The following NWD2 variants were observed in gnomAD, a reference collection of about 807,000 sequenced individuals.
The protein encoded by NWD2 is NACHT and WD repeat domain containing 2.
A neutral mutation model predicts 132.7 loss-of-function variants in NWD2; 37 were observed. That is an observed-to-expected ratio of 0.28 (90% CI 0.21 to 0.37). The LOEUF is 0.37. NWD2 is among the 10% of genes least tolerant of loss of function. The pLI is 1.00. For synonymous variants in NWD2, 705 were observed against 803.0 expected (o/e 0.88, Z 2.06); for missense variants, 1,592 against 2,122.4 (o/e 0.75, Z 4.91).
chr4:37,381,907 T>C (rs1688968211), intron 3 of NWD2, among the ~76,000 whole-genome samples: 1 of 152,228 alleles, frequency 6.6e-6, no homozygotes, highest in South Asian at 2.1e-4. Flanking sequence ...GAAGAGAAAA[T>C]TCTCTTGCTT....
At chr4:37,371,318 T>TGCCCTCCTTG (rs1406668609) in intron 3 of NWD2, among the ~76,000 whole-genome samples, 4 of 152,008 alleles carry the variant, frequency 2.6e-5, no homozygotes, top group African/African-American at 9.7e-5. Flanking sequence ...TCAGGTGATC[T>TGCCCTCCTTG]GCCCTCCTTG....
Position 37,439,019 on chromosome 4 carries a change from A to G in NWD2, c.925A>G (p.Ile309Val). 6.4e-7 allele frequency: 1 copy of G among 1,551,796 alleles called. No individual in the cohort carries two copies. The highest frequency in any genetic ancestry group is 8.7e-7 in the Non-Finnish European group (1 of 1,146,978). ...IKLRDEFIPT[I>V]VASSNLRVYT... ...ACTCAGGGATGAATTTATTCCTACT[A>G]TTGTTGCATCATCTAATCTGAGAGT... Residue 309 changes from isoleucine to valine, a missense_variant, in exon 6 of 7, where the codon ATT becomes GTT. Physicochemically the swap from Ile to Val is conservative, Grantham distance 29. This residue lies in a region of NWD2 where 1,071 missense variants were observed against 1,398.0 expected (regional missense o/e 0.77). Transcript: ENST00000309447. This position sits in a 1 kb window ranked among gnomAD's most constrained non-coding sequence, Gnocchi z 4.5.
At chr4:37,275,364 T>C in intron 1 of NWD2, among the ~76,000 whole-genome samples, 1 of 152,054 alleles carries the variant, frequency 6.6e-6, no homozygotes, top group Non-Finnish European at 1.5e-5. Context: ...GAATCCAACT[T>C]ACAAGGGATG....
intron 2 of NWD2, among the ~76,000 whole-genome samples, chr4:37,343,467 G>A (rs770928346): frequency 1.3e-5 from 2 of 152,304 alleles, no homozygotes; most frequent in South Asian, 2.1e-4. Flanking sequence ...AGGCCAGTAA[G>A]GCTGGAGAAA....
chr4:37,420,522 A>G (rs1333213448), intron 3 of NWD2, among the ~76,000 whole-genome samples: 1 of 152,158 alleles, frequency 6.6e-6, no homozygotes, highest in Non-Finnish European at 1.5e-5. Flanking sequence ...TGTCTCTACT[A>G]AAAATACAAA....
At chr4:37,263,242 C>A (rs1435496703) in intron 1 of NWD2, among the ~76,000 whole-genome samples, 2 of 152,146 alleles carry the variant, frequency 1.3e-5, no homozygotes, top group Non-Finnish European at 2.9e-5. Flanking sequence ...ACAAAAGCTT[C>A]ATTTTCATAG....
chr4:37,416,417 C>G (rs902611227), intron 3 of NWD2, among the ~76,000 whole-genome samples: 11 of 151,940 alleles, frequency 7.2e-5, no homozygotes, highest in Admixed American at 7.2e-4. Context: ...TATTTGCTGG[C>G]TTTAAGAATG....
At chr4:37,361,004 A>G (rs1256586713) in intron 3 of NWD2, among the ~76,000 whole-genome samples, 2 of 152,168 alleles carry the variant, frequency 1.3e-5, no homozygotes, top group Non-Finnish European at 2.9e-5. Flanking sequence ...GAAATACAAA[A>G]GATCCTCAGG....
intron 3 of NWD2, among the ~76,000 whole-genome samples, chr4:37,380,778 T>A (rs1394610034): frequency 6.6e-6 from 1 of 152,238 alleles, no homozygotes; most frequent in Admixed American, 6.5e-5. Flanking sequence ...TAGCAAGTGA[T>A]GAAGCTAGAA....
chr4:37,397,378 A>G (rs1224754499), intron 3 of NWD2, among the ~76,000 whole-genome samples: 2 of 152,160 alleles, frequency 1.3e-5, no homozygotes, highest in African/African-American at 2.4e-5. Flanking sequence ...TGAGATTAAC[A>G]TTTTAATCAG....
chr4:37,374,764 C>A (rs958046607), intron 3 of NWD2, among the ~76,000 whole-genome samples: 1 of 152,014 alleles, frequency 6.6e-6, no homozygotes, highest in African/African-American at 2.4e-5. Flanking sequence ...GAAATAATAA[C>A]AGCAACAATA....
In NWD2 at chr4:37,446,654, G is replaced by A. The variant is rs1334972385; in HGVS notation, c.4666G>A (p.Gly1556Ser). ...ENINVLDLYS[G>S]KLRVVHASGI... ...CATCAATGTGCTAGATTTATACAGTGGTAAATTGCGGGTGGTTCACGCCTC... is the reference window on the plus strand; with the variant it reads ...CATCAATGTGCTAGATTTATACAGTAGTAAATTGCGGGTGGTTCACGCCTC... The change falls in exon 7 of 7, where the codon GGT becomes AGT. Residue 1556 changes from glycine (G) to serine (S), a missense_variant. By Grantham distance (56) the Gly-to-Ser change is moderately conservative (BLOSUM62 0). This residue lies in a region of NWD2 where 257 missense variants were observed against 335.0 expected (regional missense o/e 0.77). Coordinates refer to ENST00000309447, the MANE Select transcript of NWD2 (RefSeq NM_001144990.2). This position sits in a 1 kb window ranked among gnomAD's most constrained non-coding sequence, Gnocchi z 6.7. 6.4e-7 allele frequency: 1 copy of A among 1,551,342 alleles called. No individual in the cohort carries two copies. The highest frequency in any genetic ancestry group is 8.7e-7 in the Non-Finnish European group (1 of 1,146,974).
In NWD2 at chr4:37,445,685, C is replaced by A; in HGVS notation, c.3697C>A (p.Arg1233Ser). The change falls in exon 7 of 7, where the codon CGC becomes AGC. Residue 1233 changes from arginine to serine, a missense_variant. Physicochemically the swap from Arg to Ser is moderately radical, Grantham distance 110. Around this residue, in one of 7 missense-constraint regions of NWD2, gnomAD observed 1,071 missense variants for 1,398.0 expected, o/e 0.77. Transcript: ENST00000309447. The surrounding 1 kb of genome is among the most constrained non-coding windows in gnomAD (Gnocchi z 4.7). The part of the protein sequence containing the change: ...AEKFRAKHNE[R>S]FISAVLSKNG... Reference sequence around the variant, plus strand: ...AAAGTTCAGAGCCAAGCACAACGAACGCTTTATATCTGCCGTGCTGTCTAA... The same window carrying A: ...AAAGTTCAGAGCCAAGCACAACGAAAGCTTTATATCTGCCGTGCTGTCTAA... 1.3e-6 allele frequency: 2 copies of A among 1,552,034 alleles called. No homozygotes were observed. Among genetic ancestry groups the A allele is most frequent in the African/African-American group, 1.4e-5 (1 of 73,168 alleles).
chr4:37,308,905 T>A (rs1320539422), intron 1 of NWD2, among the ~76,000 whole-genome samples: 2 of 152,082 alleles, frequency 1.3e-5, no homozygotes, highest in African/African-American at 4.8e-5. Flanking sequence ...GGGCCCTAAA[T>A]GTGCCAGTCC....
intron 3 of NWD2, among the ~76,000 whole-genome samples, chr4:37,411,346 C>A (rs940352410): frequency 1.3e-5 from 2 of 152,180 alleles, no homozygotes; most frequent in African/African-American, 4.8e-5. Flanking sequence ...TCGGAGAATA[C>A]TATAAACACC....
intron 1 of NWD2, among the ~76,000 whole-genome samples, chr4:37,288,902 A>G (rs1342485271): frequency 6.6e-6 from 1 of 152,210 alleles, no homozygotes; most frequent in Non-Finnish European, 1.5e-5. Context: ...TGAATCGGTT[A>G]TTATTTAAAT....
intron 2 of NWD2, among the ~76,000 whole-genome samples, chr4:37,334,599 A>G (rs748010558): frequency 3.3e-5 from 5 of 152,162 alleles, no homozygotes; most frequent in Non-Finnish European, 7.3e-5. Flanking sequence ...CTCTGAACTC[A>G]TAAATCTGTC....
chr4:37,398,353 G>C (rs1014208766), intron 3 of NWD2, among the ~76,000 whole-genome samples: 2 of 152,182 alleles, frequency 1.3e-5, no homozygotes, highest in Admixed American at 1.3e-4. Context: ...CACAGGAATA[G>C]AAAACCAAAC....
chr4:37,316,794 G>C (rs1469977625), intron 1 of NWD2, among the ~76,000 whole-genome samples: 2 of 151,852 alleles, frequency 1.3e-5, no homozygotes, highest in South Asian at 4.2e-4. Context: ...ACATTTTTCT[G>C]TTTATTTATC....
Sources: gnomAD v4.1 joint callset for allele counts (sites outside exome capture counted in the v4.1 genomes callset) on GRCh38, gnomAD v4.1.1 for gene constraint, gnomAD v4.1.1 regional missense constraint, Gnocchi (gnomAD v3.1) non-coding constraint, MANE v1.5 for transcripts, NCBI Gene and HGNC (gene_info 2026-07-23, HGNC 2026-07-21) for gene names.